The following CHL1 variants were observed in gnomAD, a reference collection of about 807,000 sequenced individuals.
CHL1 encodes neural cell adhesion molecule L1-like protein.
Under a neutral mutation model 141.9 loss-of-function variants are expected in CHL1, and 96 were observed. The observed-to-expected ratio is 0.68, with a 90% CI of 0.57 to 0.80. CHL1 has a LOEUF of 0.80. Ranked by LOEUF, CHL1 falls within the 30% of genes least tolerant of loss-of-function variation. The pLI, the probability that CHL1 is intolerant of heterozygous loss-of-function variation, is 0.00. For missense variants in CHL1, 1,820 were observed against 1,457.2 expected, an observed-to-expected ratio of 1.25 and a Z score of -4.05; for synonymous variants, 613 against 502.2, an observed-to-expected ratio of 1.22 and a Z score of -2.95.
chr3:389,697 A>T (rs1282443180), intron 20 of CHL1, among the ~76,000 whole-genome samples: 1 of 152,174 alleles, frequency 6.6e-6, no homozygotes, highest in African/African-American at 2.4e-5. Context: ...TTTTCATTTT[A>T]TTCAGTTTCC....
At chr3:265,071 T>C (rs1695039491) in intron 2 of CHL1, among the ~76,000 whole-genome samples, 1 of 152,222 alleles carries the variant, frequency 6.6e-6, no homozygotes, top group African/African-American at 2.4e-5. Context: ...GCAACAACCA[T>C]TTACTAGGCT....
intron 2 of CHL1, among the ~76,000 whole-genome samples, chr3:303,543 T>A (rs1422935935): frequency 6.6e-6 from 1 of 152,184 alleles, no homozygotes; most frequent in African/African-American, 2.4e-5. Context: ...TGTTTGTTAT[T>A]GGTGGATAGG....
intron 2 of CHL1, among the ~76,000 whole-genome samples, chr3:313,830 C>G (rs1482485593): frequency 1.3e-5 from 2 of 152,088 alleles, no homozygotes; most frequent in African/African-American, 4.8e-5. Context: ...GAAAAATGAA[C>G]AGGCATCATG....
chr3:362,798 C>A lies in CHL1; in HGVS notation c.1419-419C>A, dbSNP rs1474870184. Among the ~76,000 whole-genome samples, 4 of 152,304 alleles carry A rather than the reference C, an allele frequency of 2.6e-5. No homozygotes were observed. In the East Asian group the frequency reaches 7.7e-4, roughly 29 times the overall value. ...CAAGACTCCCCAGCTTATAATATTT[C>A]TGAATGACCAATGTTCTCCCAGGAC... On this transcript the variant is annotated intron_variant, in intron 13 of 27. Coordinates refer to ENST00000256509, the MANE Select transcript of CHL1 (RefSeq NM_006614.4).
intron 13 of CHL1, 77 bp downstream of exon 13, chr3:361,887 C>T: frequency 1.0e-6 from 1 of 1,003,348 alleles, no homozygotes; most frequent in Non-Finnish European, 1.6e-6. Flanking sequence ...CGTCATTTGA[C>T]AGGCTGTATT....
In CHL1 at chr3:349,523, A is replaced by T; in HGVS notation, c.1013A>T (p.Asp338Val). The T allele has an allele frequency of 6.2e-7, 1 of 1,613,466 alleles. No individual in the cohort carries two copies. ...ASNFLGTATHDFHVIVEEPPR... is the reference protein window; with the variant it reads ...ASNFLGTATHVFHVIVEEPPR... The stretch of plus-strand genomic sequence containing the variant: ...AATTTCTTGGGAACAGCCACTCACG[A>T]TTTTCACGTTATAGTAGAAGGTACC... Residue 338 changes from aspartate to valine, a missense_variant, in exon 10 of 28, where the codon GAT becomes GTT. Coordinates refer to ENST00000256509, the MANE Select transcript of CHL1 (RefSeq NM_006614.4).
intron 1 of CHL1, among the ~76,000 whole-genome samples, chr3:220,489 C>T (rs1287221571): frequency 4.6e-5 from 7 of 151,986 alleles, no homozygotes; most frequent in Admixed American, 4.6e-4. Flanking sequence ...ATAAAATACA[C>T]TAACACTAAC....
At chr3:262,637 A>T (rs1356740967) in intron 2 of CHL1, among the ~76,000 whole-genome samples, 2 of 152,230 alleles carry the variant, frequency 1.3e-5, no homozygotes, top group African/African-American at 2.4e-5. Context: ...GGTATAAGAC[A>T]ACAGGGAGTG....
intron 5 of CHL1, 83 bp from the exon 6 acceptor site, chr3:340,711 A>T: frequency 8.6e-7 from 1 of 1,165,152 alleles, no homozygotes. Context: ...CTGAATTTTG[A>T]AAAAAAAGAA....
At chr3:360,569 T>A in intron 12 of CHL1, 145 bp downstream of exon 12, 1 of 789,130 alleles carries the variant, frequency 1.3e-6, no homozygotes, top group South Asian at 2.1e-5. Flanking sequence ...AGTTTTAGAC[T>A]TCACACTGAA....
At chr3:402,172 A>T (rs1381999852) in intron 27 of CHL1, among the ~76,000 whole-genome samples, 3 of 152,272 alleles carry the variant, frequency 2.0e-5, no homozygotes, top group Admixed American at 6.5e-5. Context: ...AATAGAATAA[A>T]AGAGCACAAA....
At chr3:236,084 A>G (rs1206412890) in intron 1 of CHL1, among the ~76,000 whole-genome samples, 1 of 152,196 alleles carries the variant, frequency 6.6e-6, no homozygotes, top group Admixed American at 6.5e-5. Flanking sequence ...CAGCGTCTGA[A>G]TGATAAGAGA....
chr3:293,647 T>A (rs967767491), intron 2 of CHL1, among the ~76,000 whole-genome samples: 2 of 152,224 alleles, frequency 1.3e-5, no homozygotes, highest in Non-Finnish European at 2.9e-5. Context: ...TAATGTTTGA[T>A]AAGATACTAC....
chr3:322,351 A>G (rs181027549), intron 3 of CHL1, among the ~76,000 whole-genome samples: 14 of 152,038 alleles, frequency 9.2e-5, no homozygotes, highest in Admixed American at 8.5e-4. Flanking sequence ...AAAGGCATTT[A>G]GTTTTTATTC....
intron 2 of CHL1, among the ~76,000 whole-genome samples, chr3:290,014 C>A (rs1697539206): frequency 7.0e-6 from 1 of 143,446 alleles, no homozygotes; most frequent in Non-Finnish European, 1.5e-5. Flanking sequence ...ATACTCATAG[C>A]CAATAGCACC....
intron 2 of CHL1, among the ~76,000 whole-genome samples, chr3:277,781 A>G (rs1696283273): frequency 6.6e-6 from 1 of 152,148 alleles, no homozygotes; most frequent in African/African-American, 2.4e-5. Context: ...TGGAATTGTT[A>G]TTGGAAAGAG....
At position 340,916 on chromosome 3, in the gene CHL1, G is replaced by T; in HGVS notation, c.508G>T (p.Glu170Ter). Residue 170 changes from glutamate (E) to a stop codon, truncating the protein, a stop_gained and splice_region_variant, in exon 6 of 28, where the codon GAA becomes TAA. Coordinates refer to ENST00000256509, the MANE Select transcript of CHL1 (RefSeq NM_006614.4). LOFTEE classifies it high-confidence loss of function. ...PPLHIYWMNI[E>*]LEHIEQDERV... ...TTTACACATTTATTGGATGAATATT[G>T]GTAAGTAATGCTCCGTTCCATCAAA... 6.2e-7 allele frequency: 1 copy of T among 1,611,456 alleles called. No individual in the cohort carries two copies. Among genetic ancestry groups the T allele is most frequent in the Non-Finnish European group, 8.5e-7 (1 of 1,178,606 alleles).
rs961007100 is a variant in CHL1 at position 401,533 on chromosome 3, G to T, written c.3386-93G>T. On this transcript the variant is annotated intron_variant, in intron 26 of 27. Transcript: ENST00000256509. ...GGTATCAAAACATTTGAGCAATGCTGTTCTTACTGACTATTAACTATTCCA... is the reference window on the plus strand; with the variant it reads ...GGTATCAAAACATTTGAGCAATGCTTTTCTTACTGACTATTAACTATTCCA... 4.1e-6 allele frequency: 3 copies of T among 728,208 alleles called. No homozygotes were observed. In the Admixed American group the frequency reaches 8.1e-5, roughly 20 times the overall value. 45.1% of individuals were successfully genotyped at this position (728,208 alleles called of 1,614,324 possible).
At chr3:367,879 A>T (rs1705108976) in intron 15 of CHL1, among the ~76,000 whole-genome samples, 1 of 152,090 alleles carries the variant, frequency 6.6e-6, no homozygotes, top group South Asian at 2.1e-4. Flanking sequence ...ATGTTTGCTG[A>T]TGATGATGGC....
Sources: allele counts gnomAD v4.1 joint callset (sites outside exome capture counted in the v4.1 genomes callset), GRCh38; gene constraint gnomAD v4.1.1; transcripts MANE v1.5; gene names NCBI Gene and HGNC (gene_info 2026-07-23, HGNC 2026-07-21).